CADPS2: variants seen among roughly 807,000 people sequenced by gnomAD.
The protein encoded by CADPS2 is calcium dependent secretion activator 2, also known as calcium-dependent secretion activator 2.
In CADPS2, 93 loss-of-function variants were observed where a neutral mutation model predicts 172.5. That is an observed-to-expected ratio of 0.54 (90% CI 0.46 to 0.64). The LOEUF is 0.64. CADPS2 is among the 30% of genes least tolerant of loss of function. The probability of loss-of-function intolerance (pLI) is 0.00; values close to 1 mark genes in which losing one functional copy is unlikely to be tolerated. For missense variants in CADPS2, 1,420 were observed against 1,565.9 expected, an observed-to-expected ratio of 0.91 and a Z score of 1.57; for synonymous variants, 546 against 555.2, an observed-to-expected ratio of 0.98 and a Z score of 0.23.
At chr7:122,492,016 C>T (rs1392773346) in intron 9 of CADPS2, among the ~76,000 whole-genome samples, 2 of 151,852 alleles carry the variant, frequency 1.3e-5, no homozygotes, top group African/African-American at 4.8e-5. Flanking sequence ...ATTAAAAATA[C>T]AAAAAATTAG....
chr7:122,672,031 T>A (rs2081923077), intron 2 of CADPS2, among the ~76,000 whole-genome samples: 1 of 152,152 alleles, frequency 6.6e-6, no homozygotes, highest in African/African-American at 2.4e-5. Context: ...ATGAGTAATG[T>A]CCCAAAGGAC....
chr7:122,736,217 G>T (rs2092137420), intron 2 of CADPS2, among the ~76,000 whole-genome samples: 1 of 152,126 alleles, frequency 6.6e-6, no homozygotes, highest in Non-Finnish European at 1.5e-5. Flanking sequence ...CCTCAGGTAA[G>T]TTCAGACCCA....
chr7:122,756,016 T>G (rs2138562450), intron 1 of CADPS2, among the ~76,000 whole-genome samples: 1 of 152,342 alleles, frequency 6.6e-6, no homozygotes, highest in South Asian at 2.1e-4. Flanking sequence ...CATCATTTGT[T>G]ATTGTTTCCT....
At chr7:122,571,010 G>T (rs974011967) in intron 7 of CADPS2, among the ~76,000 whole-genome samples, 3 of 151,902 alleles carry the variant, frequency 2.0e-5, no homozygotes, top group African/African-American at 7.3e-5. Context: ...TTGTGCATAT[G>T]TACCCTAAAA....
intron 1 of CADPS2, among the ~76,000 whole-genome samples, chr7:122,844,330 A>G (rs1452261652): frequency 6.6e-6 from 1 of 152,242 alleles, no homozygotes; most frequent in Non-Finnish European, 1.5e-5. Flanking sequence ...AGTTAAAAAA[A>G]CATCCCGCTT....
At chr7:122,645,332 T>C (rs2058442) in intron 3 of CADPS2, among the ~76,000 whole-genome samples, 67,201 of 103,158 alleles carry the variant, frequency 0.65, 20,394 homozygotes, top group South Asian at 0.78. Context: ...TGTACATATA[T>C]ACACACATGT....
chr7:122,754,422 G>A (rs1422026973), intron 1 of CADPS2, among the ~76,000 whole-genome samples: 1 of 152,040 alleles, frequency 6.6e-6, no homozygotes, highest in Admixed American at 6.6e-5. Context: ...TTACTAAAAG[G>A]CCTTGACAGC....
chr7:122,674,181 C>T (rs993666091), intron 2 of CADPS2, among the ~76,000 whole-genome samples: 6 of 152,136 alleles, frequency 3.9e-5, no homozygotes, highest in Non-Finnish European at 5.9e-5. Context: ...AAGCGCCCCG[C>T]ACAGCCCCGG....
chr7:122,382,673 G>T (rs2043163623), intron 24 of CADPS2, among the ~76,000 whole-genome samples: 1 of 151,898 alleles, frequency 6.6e-6, no homozygotes, highest in Admixed American at 6.6e-5. Flanking sequence ...TTTATCAGAG[G>T]CTGGGCATGG....
At chr7:122,806,496 A>G (rs968341760) in intron 1 of CADPS2, among the ~76,000 whole-genome samples, 1 of 152,250 alleles carries the variant, frequency 6.6e-6, no homozygotes, top group Non-Finnish European at 1.5e-5. Flanking sequence ...TACAACACCA[A>G]TGCTGCTTTA....
intron 1 of CADPS2, among the ~76,000 whole-genome samples, chr7:122,844,905 TAA>T: frequency 6.8e-6 from 1 of 147,306 alleles, no homozygotes; most frequent in African/African-American, 2.5e-5. Flanking sequence ...TGAAAAAAGG[TAA>T]AAAAAAAAAA....
intron 25 of CADPS2, 92 bp from the exon 26 acceptor site, chr7:122,361,105 C>T (rs1377887615): frequency 4.2e-6 from 4 of 955,936 alleles, no homozygotes; most frequent in African/African-American, 1.6e-5. Flanking sequence ...TCTTCCATCG[C>T]ACAAAAATTC....
chr7:122,750,187 G>A (rs960845146), intron 1 of CADPS2, among the ~76,000 whole-genome samples: 2 of 152,012 alleles, frequency 1.3e-5, no homozygotes, highest in South Asian at 2.1e-4. Flanking sequence ...AGTATGCCAT[G>A]GCCCTTCTTT....
At chr7:122,389,600 G>T (rs2044120004) in intron 22 of CADPS2, among the ~76,000 whole-genome samples, 1 of 151,872 alleles carries the variant, frequency 6.6e-6, no homozygotes, top group Non-Finnish European at 1.5e-5. Flanking sequence ...TTTCCATTAT[G>T]CAAGTACATA....
At chr7:122,698,227 T>C in intron 2 of CADPS2, 1 of 1,614,046 alleles carries the variant, frequency 6.2e-7, no homozygotes, top group East Asian at 2.2e-5. Context: ...AAATGTGTTC[T>C]GAAGATCTGT....
In CADPS2 at chr7:122,320,070, AAAAC is replaced by A. The variant is rs775538212; in HGVS notation, c.*91_*94del. 20 of 1,236,250 alleles carry A rather than the reference AAAAC, an allele frequency of 1.6e-5. No individual in the cohort carries two copies. Among genetic ancestry groups the A allele is most frequent in the Middle Eastern group, 2.1e-4 (1 of 4,804 alleles). The allele number at this position is 1,236,250 out of a possible 1,614,324, so 76.6% of individuals were successfully genotyped here. ...GAAATACAAGCATTTTTATTTGGCC[AAAAC>A]AAACAATGAATGTAATTACAAGGAC... On this transcript the variant is annotated 3_prime_UTR_variant, in exon 30 of 30. Transcript: ENST00000449022.
At chr7:122,748,727 A>T (rs1442186145) in intron 1 of CADPS2, among the ~76,000 whole-genome samples, 1 of 152,162 alleles carries the variant, frequency 6.6e-6, no homozygotes, top group Non-Finnish European at 1.5e-5. Context: ...TCAGCTCATC[A>T]TCTTTGTGCA....
chr7:122,332,190 A>C (rs2150823983), intron 28 of CADPS2: 1 of 152,120 alleles, frequency 6.6e-6, no homozygotes, highest in Non-Finnish European at 1.5e-5. Context: ...GAAGAATCAC[A>C]CTCCCTATTA....
At chr7:122,444,728 C>G (rs2151984540) in intron 15 of CADPS2, among the ~76,000 whole-genome samples, 1 of 152,280 alleles carries the variant, frequency 6.6e-6, no homozygotes, top group South Asian at 2.1e-4. Context: ...CGTCTAAATA[C>G]TTTCTCCTAT....
Sources: gnomAD v4.1 joint callset for allele counts (sites outside exome capture counted in the v4.1 genomes callset) on GRCh38, gnomAD v4.1.1 for gene constraint, MANE v1.5 for transcripts, NCBI Gene and HGNC (gene_info 2026-07-23, HGNC 2026-07-21) for gene names.